SLAMF6: variants seen among roughly 807,000 people sequenced by gnomAD.
SLAMF6 encodes the protein NK-T-B-antigen.
Under a neutral mutation model 38.3 loss-of-function variants are expected in SLAMF6, and 21 were observed. The ratio of observed to expected loss-of-function variants is 0.55; its 90% CI spans 0.39 to 0.79. SLAMF6 has a LOEUF of 0.79. SLAMF6 is among the 30% of genes least tolerant of loss of function. The pLI, the probability that SLAMF6 is intolerant of heterozygous loss-of-function variation, is 0.00. For synonymous variants in SLAMF6, 152 were observed against 146.3 expected (o/e 1.04, Z -0.28); for missense variants, 341 against 385.3 (o/e 0.89, Z 0.96).
At chr1:160,520,488 C>T (rs1015994296) in intron 1 of SLAMF6, among the ~76,000 whole-genome samples, 1 of 152,178 alleles carries the variant, frequency 6.6e-6, no homozygotes, top group Non-Finnish European at 1.5e-5. Context: ...CCCCAATCAG[C>T]ATTTTAATAA....
rs543967506 is a variant in SLAMF6, at chr1:160,516,865, T to C, written c.49+6279A>G. Among the ~76,000 whole-genome samples, 3 of 152,162 alleles carry C rather than the reference T, an allele frequency of 2.0e-5. No homozygotes were observed. The South Asian group carries it at 6.2e-4, about 31-fold the overall frequency. ...ACCTTATACAAAAATTAACTCAAGA[T>C]AGATTAAAGACTTAAATGTAAAACT... On this transcript the variant is annotated intron_variant, in intron 1 of 7. Coordinates refer to ENST00000368057, the MANE Select transcript of SLAMF6 (RefSeq NM_001184714.2).
At chr1:160,517,866 G>C (rs1475911831) in intron 1 of SLAMF6, among the ~76,000 whole-genome samples, 3 of 152,136 alleles carry the variant, frequency 2.0e-5, no homozygotes, top group African/African-American at 7.2e-5. Flanking sequence ...AGTGGGGTTG[G>C]GGGAGGGAGA....
At chr1:160,508,346 A>G (rs570287359) in intron 1 of SLAMF6, among the ~76,000 whole-genome samples, 10 of 152,340 alleles carry the variant, frequency 6.6e-5, no homozygotes, top group East Asian at 5.8e-4. Context: ...GGCCTCAGAA[A>G]TAGCACCACA....
At chr1:160,505,608 G>T (rs1175327929) in intron 1 of SLAMF6, among the ~76,000 whole-genome samples, 1 of 152,060 alleles carries the variant, frequency 6.6e-6, no homozygotes, top group African/African-American at 2.4e-5. Context: ...TCACTATGTT[G>T]CCCAGGCTGG....
intron 1 of SLAMF6, among the ~76,000 whole-genome samples, chr1:160,504,154 C>A (rs977082297): frequency 3.2e-4 from 49 of 151,652 alleles, no homozygotes; most frequent in African/African-American, 1.1e-3. Context: ...TCACAGGGTA[C>A]AAAGTTGCAG....
chr1:160,514,789 G>A (rs1557949062), intron 1 of SLAMF6, among the ~76,000 whole-genome samples: 1 of 152,160 alleles, frequency 6.6e-6, no homozygotes, highest in Non-Finnish European at 1.5e-5. Flanking sequence ...CAGAAAGCAA[G>A]AAGTTCTTTG....
chr1:160,501,851 G>A (rs1653913689), intron 1 of SLAMF6, among the ~76,000 whole-genome samples: 1 of 152,070 alleles, frequency 6.6e-6, no homozygotes, highest in Non-Finnish European at 1.5e-5. Flanking sequence ...ACATGGGGAA[G>A]GGGAGAAAGG....
At chr1:160,505,428 G>T (rs371724728) in intron 1 of SLAMF6, among the ~76,000 whole-genome samples, 3 of 152,270 alleles carry the variant, frequency 2.0e-5, no homozygotes, top group African/African-American at 7.2e-5. Context: ...TTGAGACAGG[G>T]TCTCACTCTG....
chr1:160,490,061 C>T, intron 5 of SLAMF6, 137 bp downstream of exon 5: 4 of 995,416 alleles, frequency 4.0e-6, no homozygotes, highest in South Asian at 2.6e-5. Flanking sequence ...ATCATCTCCC[C>T]TCACAGCATG....
At chr1:160,511,321 G>C (rs1358132029) in intron 1 of SLAMF6, among the ~76,000 whole-genome samples, 1 of 152,136 alleles carries the variant, frequency 6.6e-6, no homozygotes, top group Non-Finnish European at 1.5e-5. Context: ...TTTCAAAACT[G>C]ATACAGATAT....
intron 1 of SLAMF6, among the ~76,000 whole-genome samples, chr1:160,505,792 A>G (rs565002537): frequency 2.6e-5 from 4 of 152,296 alleles, no homozygotes; most frequent in Non-Finnish European, 5.9e-5. Flanking sequence ...AAGAAAAGAG[A>G]ATATTTTTAA....
intron 6 of SLAMF6, 109 bp downstream of exon 6, chr1:160,488,979 T>C: frequency 9.9e-7 from 1 of 1,013,572 alleles, no homozygotes; most frequent in Non-Finnish European, 1.5e-6. Flanking sequence ...TGTGGCTGTC[T>C]TCTCCTCCCC....
chr1:160,497,350 C>A (rs1476933143), intron 1 of SLAMF6, among the ~76,000 whole-genome samples: 1 of 152,078 alleles, frequency 6.6e-6, no homozygotes, highest in Non-Finnish European at 1.5e-5. Context: ...GTTTTGTTCA[C>A]CTGTTTGTCT....
In SLAMF6 at chr1:160,487,006, A is replaced by G. The variant is rs1172260300; in HGVS notation, c.951+98T>C. 8.1e-6 allele frequency: 9 copies of G among 1,106,930 alleles called. No individual in the cohort carries two copies. In the East Asian group the frequency reaches 2.2e-4, roughly 27 times the overall value. The allele number at this position is 1,106,930 out of a possible 1,614,324, so 68.6% of individuals were successfully genotyped here. A position where few individuals can be genotyped will look rare whatever the true frequency, so the allele number is the denominator to read the frequency against. On this transcript the variant is annotated intron_variant, in intron 7 of 7. Transcript: ENST00000368057. ...TTCCGCATGCTGCTGCTGTTTGTGC[A>G]TCTGTAAAATGACCCTTTTATTTTT...
chr1:160,498,016 G>T (rs1653684183), intron 1 of SLAMF6, among the ~76,000 whole-genome samples: 1 of 152,122 alleles, frequency 6.6e-6, no homozygotes, highest in South Asian at 2.1e-4. Context: ...TTGCTGGGTT[G>T]AATGGTAGCT....
At chr1:160,493,811 C>T (rs970222614) in intron 2 of SLAMF6, among the ~76,000 whole-genome samples, 10 of 151,986 alleles carry the variant, frequency 6.6e-5, no homozygotes, top group Non-Finnish European at 1.2e-4. Flanking sequence ...ACAATCATGA[C>T]GGAAGGGCAA....
chr1:160,495,911 T>C (rs1262474855), intron 2 of SLAMF6, 150 bp downstream of exon 2: 2 of 689,750 alleles, frequency 2.9e-6, no homozygotes, highest in Non-Finnish European at 4.8e-6. Flanking sequence ...TTAACTGGCT[T>C]TGCAGTGTCA....
At chr1:160,491,734 G>C (rs1169896390) in intron 2 of SLAMF6, among the ~76,000 whole-genome samples, 1 of 152,168 alleles carries the variant, frequency 6.6e-6, no homozygotes, top group African/African-American at 2.4e-5. Flanking sequence ...CTCTGCCCCT[G>C]TGTAAAGACA....
chr1:160,487,621 A>G (rs751360454), intron 6 of SLAMF6, among the ~76,000 whole-genome samples: 10 of 152,158 alleles, frequency 6.6e-5, no homozygotes, highest in Non-Finnish European at 1.3e-4. Flanking sequence ...CCTTGTCATC[A>G]TGTCATTGGG....
Sources: gnomAD v4.1 joint callset for allele counts (sites outside exome capture counted in the v4.1 genomes callset) on GRCh38, gnomAD v4.1.1 for gene constraint, MANE v1.5 for transcripts, NCBI Gene and HGNC (gene_info 2026-07-23, HGNC 2026-07-21) for gene names.